The following CNGB1 variants were observed in gnomAD, a reference collection of about 807,000 sequenced individuals.
CNGB1 encodes cyclic nucleotide gated channel subunit beta 1.
In CNGB1, 126 loss-of-function variants were observed where a neutral mutation model predicts 151.7. The observed-to-expected ratio is 0.83, with a 90% CI of 0.72 to 0.96. The LOEUF (loss-of-function observed/expected upper bound fraction) is 0.96, where lower values mean the gene tolerates loss of function less well. CNGB1 is among the 40% of genes least tolerant of loss of function. The pLI is 0.00. For synonymous variants in CNGB1, 623 were observed against 635.1 expected, an observed-to-expected ratio of 0.98 and a Z score of 0.29; for missense variants, 1,698 against 1,627.0, an observed-to-expected ratio of 1.04 and a Z score of -0.75.
At position 57,883,995 on chromosome 16, in the gene CNGB1, G is replaced by T. The variant is rs569923676; in HGVS notation, c.*169C>A. ...CCCAGCCCCGCGAGGAGCTGAGTCG[G>T]GGCTGGCGTGCTGGCGGGACGGTCA... On this transcript the variant is annotated 3_prime_UTR_variant, in exon 33 of 33. Transcript: ENST00000251102. 5 of 901,444 alleles carry T rather than the reference G, an allele frequency of 5.5e-6. No individual in the cohort carries two copies. The African/African-American group carries it at 6.6e-5, about 12-fold the overall frequency. 55.8% of individuals were successfully genotyped at this position (901,444 alleles called of 1,614,324 possible).
chr16:57,897,729 G>GC, intron 30 of CNGB1, 67 bp downstream of exon 30: 1 of 1,560,094 alleles, frequency 6.4e-7, no homozygotes. Context: ...CACTCGCACT[G>GC]CCCGCTGGCC....
rs117053889 is a variant in CNGB1 at position 57,894,559 on chromosome 16, C to A, written c.3242+2838G>T. Reference sequence around the variant, plus strand: ...GAGGTTGCAGTGAGCCAAGACCTAACCACTGCACTCCAGCCCAGGCTACAG... The same window carrying A: ...GAGGTTGCAGTGAGCCAAGACCTAAACACTGCACTCCAGCCCAGGCTACAG... On this transcript the variant is annotated intron_variant, in intron 31 of 32. Coordinates refer to ENST00000251102, the MANE Select transcript of CNGB1 (RefSeq NM_001297.5). Among the ~76,000 whole-genome samples the A allele has an allele frequency of 1.1e-4, 17 of 152,304 alleles. No individual in the cohort carries two copies. The East Asian group carries it at 1.9e-3, about 17-fold the overall frequency.
chr16:57,961,656 GAA>G (rs1962259412), intron 7 of CNGB1, among the ~76,000 whole-genome samples: 2 of 152,078 alleles, frequency 1.3e-5, no homozygotes, highest in South Asian at 4.2e-4. Context: ...ATGAATGAAT[GAA>G]TGAATGAATG....
At chr16:57,929,518 G>T (rs1201959342) in intron 17 of CNGB1, among the ~76,000 whole-genome samples, 2 of 151,562 alleles carry the variant, frequency 1.3e-5, no homozygotes, top group African/African-American at 4.9e-5. Context: ...ATAAGGAAAA[G>T]AGGTTTAATT....
intron 27 of CNGB1, among the ~76,000 whole-genome samples, chr16:57,903,327 A>G (rs190954179): frequency 3.0e-4 from 46 of 151,578 alleles, no homozygotes; most frequent in African/African-American, 9.2e-4. Flanking sequence ...CCTCGTCTCT[A>G]CTAATAATAT....
At position 57,887,919 on chromosome 16, in the gene CNGB1, C is replaced by A. The variant is rs375348116; in HGVS notation, c.3398G>T (p.Arg1133Leu). 2.5e-6 allele frequency: 4 copies of A among 1,614,194 alleles called. No homozygotes were observed. In the East Asian group the frequency reaches 8.9e-5, roughly 36 times the overall value. Residue 1133 changes from arginine to leucine, a missense_variant, in exon 32 of 33, where the codon CGG (arginine) becomes CTG (leucine). By Grantham distance (102) the Arg-to-Leu change is moderately radical (BLOSUM62 -2). Transcript: ENST00000251102. ...CGCGGCCAGTTCTTTGAGCCGGGCC[C>A]GGAGGTGAGCAAGTTTGCCGCCTTT... ...GAKGGKLAHLRARLKELAALE... is the reference protein window; with the variant it reads ...GAKGGKLAHLLARLKELAALE...
intron 14 of CNGB1, among the ~76,000 whole-genome samples, chr16:57,942,742 G>T (rs1273349915): frequency 6.6e-6 from 1 of 151,714 alleles, no homozygotes; most frequent in Non-Finnish European, 1.5e-5. Context: ...ATGTGCCTGT[G>T]GTCCAAGCTA....
At chr16:57,967,420 G>A (rs559116786) in intron 1 of CNGB1, 126 bp from the exon 2 acceptor site, 3 of 980,128 alleles carry the variant, frequency 3.1e-6, no homozygotes, top group Admixed American at 4.1e-5. Flanking sequence ...TCGACTGGGT[G>A]CGGTGGCTCA....
At chr16:57,918,237 A>C (rs1424036894) in intron 20 of CNGB1, among the ~76,000 whole-genome samples, 2 of 152,068 alleles carry the variant, frequency 1.3e-5, no homozygotes, top group African/African-American at 4.8e-5. Flanking sequence ...AGCCTCTCAC[A>C]GTGCTGGGAT....
intron 16 of CNGB1, among the ~76,000 whole-genome samples, chr16:57,938,559 G>T (rs1249087297): frequency 3.3e-5 from 5 of 152,184 alleles, no homozygotes; most frequent in African/African-American, 1.2e-4. Context: ...GGAAGTCATG[G>T]TTCAGACAGG....
Position 57,897,563 on chromosome 16 carries a change from A to C in CNGB1, c.3096-20T>G. ...AGCAAGCTGGGGCAGAGAAGGGAGGAAGGAGGCCCTTCAGAGACTGCCGTT... is the reference window on the plus strand; with the variant it reads ...AGCAAGCTGGGGCAGAGAAGGGAGGCAGGAGGCCCTTCAGAGACTGCCGTT... On this transcript the variant is annotated intron_variant, in intron 30 of 32. Transcript: ENST00000251102. 1 of 1,613,638 alleles carries C rather than the reference A, an allele frequency of 6.2e-7. No individual in the cohort carries two copies. Among genetic ancestry groups the C allele is most frequent in the Non-Finnish European group, 8.5e-7 (1 of 1,179,996 alleles).
intron 7 of CNGB1, among the ~76,000 whole-genome samples, chr16:57,961,953 A>G (rs183741086): frequency 2.9e-3 from 438 of 152,316 alleles, no homozygotes; most frequent in Non-Finnish European, 5.0e-3. Context: ...GTGTCCTGAA[A>G]ACTTCTTGAC....
rs1232689485 is a variant in CNGB1 at position 57,916,109 on chromosome 16, C to T, written c.2217+20G>A. 7 of 1,613,604 alleles carry T rather than the reference C, an allele frequency of 4.3e-6. No individual in the cohort carries two copies. In the African/African-American group the frequency reaches 6.7e-5, roughly 15 times the overall value. On this transcript the variant is annotated intron_variant, in intron 22 of 32. Coordinates refer to ENST00000251102, the MANE Select transcript of CNGB1 (RefSeq NM_001297.5). The stretch of plus-strand genomic sequence containing the variant: ...TTCTGAAACCCCGCAGACGCTAAAC[C>T]TTGCATGCCCGGCACACACCTTGAA...
intron 17 of CNGB1, among the ~76,000 whole-genome samples, chr16:57,930,863 G>A (rs907101719): frequency 1.8e-4 from 27 of 152,238 alleles, no homozygotes; most frequent in Admixed American, 7.9e-4. Flanking sequence ...GGCTGGGGTG[G>A]GGGTGAAGGG....
chr16:57,898,408 C>T (rs949353592), intron 29 of CNGB1, among the ~76,000 whole-genome samples: 12 of 151,766 alleles, frequency 7.9e-5, no homozygotes, highest in Non-Finnish European at 1.5e-4. Context: ...GATGGAGTCT[C>T]GCTCTGTCGC....
At chr16:57,956,960 C>T (rs769634584) in intron 12 of CNGB1, among the ~76,000 whole-genome samples, 5 of 152,164 alleles carry the variant, frequency 3.3e-5, no homozygotes, top group Non-Finnish European at 7.3e-5. Context: ...CCAGTGAGAC[C>T]CCACCCCTCT....
At chr16:57,900,710 C>A (rs1596958421) in intron 29 of CNGB1, among the ~76,000 whole-genome samples, 1 of 152,152 alleles carries the variant, frequency 6.6e-6, no homozygotes, top group Non-Finnish European at 1.5e-5. Context: ...TTTGGGGCAA[C>A]CTTTCCTCCA....
At chr16:57,914,441 G>T (rs777241322) in intron 23 of CNGB1, among the ~76,000 whole-genome samples, 27 of 152,166 alleles carry the variant, frequency 1.8e-4, no homozygotes, top group Non-Finnish European at 4.0e-4. Flanking sequence ...GCACTTGCAC[G>T]CCCCCTAGTT....
chr16:57,897,351 C>A, intron 31 of CNGB1, 46 bp downstream of exon 31: 1 of 1,565,402 alleles, frequency 6.4e-7, no homozygotes, highest in Non-Finnish European at 8.8e-7. Flanking sequence ...AAGAGAAATT[C>A]ATTGTCCTTA....
Sources: gnomAD v4.1 joint callset for allele counts (sites outside exome capture counted in the v4.1 genomes callset) on GRCh38, gnomAD v4.1.1 for gene constraint, MANE v1.5 for transcripts, NCBI Gene and HGNC (gene_info 2026-07-23, HGNC 2026-07-21) for gene names.